TLL2: variants seen among roughly 807,000 people sequenced by gnomAD.
The protein encoded by TLL2 is tolloid-like protein 2.
A neutral mutation model predicts 123.0 loss-of-function variants in TLL2; 106 were observed. The ratio of observed to expected loss-of-function variants is 0.86; its 90% confidence interval spans 0.74 to 1.01. The LOEUF (loss-of-function observed/expected upper bound fraction) is 1.01. Among genes scored for constraint, TLL2 ranks in the 50% least tolerant of loss-of-function variants. TLL2 has a pLI of 0.00. For synonymous variants in TLL2, 494 were observed against 516.8 expected (o/e 0.96, Z 0.60); for missense variants, 1,332 against 1,336.7 (o/e 1.00, Z 0.06).
intron 1 of TLL2, among the ~76,000 whole-genome samples, chr10:96,499,601 T>C (rs1200017346): frequency 2.6e-5 from 4 of 152,318 alleles, no homozygotes; most frequent in Admixed American, 6.5e-5. Context: ...CAAACATCTC[T>C]ATGGGAAAGT....
chr10:96,452,384 G>A (rs899903307), intron 2 of TLL2, among the ~76,000 whole-genome samples: 3 of 152,206 alleles, frequency 2.0e-5, no homozygotes, highest in African/African-American at 7.2e-5. Flanking sequence ...GTCCAACGTG[G>A]CTGGAGCTGG....
chr10:96,375,464 G>C (rs1241325293), intron 18 of TLL2: 1 of 152,142 alleles, frequency 6.6e-6, no homozygotes, highest in African/African-American at 2.4e-5. Flanking sequence ...CCTCCCCCGA[G>C]GTCCTCGGGG....
chr10:96,396,965 G>T (rs868025204), intron 11 of TLL2, among the ~76,000 whole-genome samples: 1 of 152,180 alleles, frequency 6.6e-6, no homozygotes, highest in Non-Finnish European at 1.5e-5. Context: ...GTGGGATGGC[G>T]TCAGAAGGAT....
chr10:96,451,881 G>A (rs1346256212), intron 2 of TLL2, among the ~76,000 whole-genome samples: 2 of 152,168 alleles, frequency 1.3e-5, no homozygotes, highest in African/African-American at 4.8e-5. Flanking sequence ...CAGGACGGCA[G>A]CCTTAGCTCT....
chr10:96,420,134 C>A (rs1229709399), intron 7 of TLL2, among the ~76,000 whole-genome samples: 4 of 152,088 alleles, frequency 2.6e-5, no homozygotes, highest in African/African-American at 9.7e-5. Context: ...AATAAATAAA[C>A]AAGCAAACAG....
chr10:96,419,805 C>T (rs1217497187), intron 7 of TLL2, among the ~76,000 whole-genome samples: 1 of 152,186 alleles, frequency 6.6e-6, no homozygotes, highest in Non-Finnish European at 1.5e-5. Flanking sequence ...AACAGTGTCC[C>T]TTTCACTCCC....
chr10:96,395,043 C>T (rs752230001), intron 13 of TLL2, 144 bp downstream of exon 13: 20 of 846,302 alleles, frequency 2.4e-5, no homozygotes, highest in Non-Finnish European at 3.3e-5. Flanking sequence ...GGGGCTCACA[C>T]CCAGCTCTGA....
At chr10:96,502,978 G>A (rs1185546876) in intron 1 of TLL2, among the ~76,000 whole-genome samples, 1 of 152,156 alleles carries the variant, frequency 6.6e-6, no homozygotes, top group Non-Finnish European at 1.5e-5. Flanking sequence ...TCACAGATAG[G>A]TCTGTAACCA....
At position 96,422,632 on chromosome 10, in the gene TLL2, C is replaced by T; in HGVS notation, c.734G>A (p.Gly245Asp). Residue 245 changes from glycine to aspartate, a missense_variant, in exon 6 of 21, where the codon GGC becomes GAC. Coordinates refer to ENST00000357947, the MANE Select transcript of TLL2 (RefSeq NM_012465.4). ...DKFGIVAHEL[G>D]HVVGFWHEHT... is the part of the protein sequence containing the mutation. ...TTCATGCCAAAACCCAACCACATGG[C>T]CCAGCTCGTGAGCCACAATGCCAAA... The T allele has an allele frequency of 1.2e-6, 2 of 1,614,210 alleles. No homozygotes were observed. Among genetic ancestry groups the T allele is most frequent in the Non-Finnish European group, 1.7e-6 (2 of 1,180,052 alleles).
At chr10:96,451,545 TA>T (rs1846959688) in intron 2 of TLL2, among the ~76,000 whole-genome samples, 1 of 152,216 alleles carries the variant, frequency 6.6e-6, no homozygotes, top group South Asian at 2.1e-4. Flanking sequence ...CTATATTAAT[TA>T]TTCCTTTCAT....
At chr10:96,437,093 G>A (rs112368981) in intron 3 of TLL2, among the ~76,000 whole-genome samples, 179 of 152,144 alleles carry the variant, frequency 1.2e-3, no homozygotes, top group African/African-American at 3.3e-3. Context: ...CATTGAATGG[G>A]TGTTATTCTC....
intron 2 of TLL2, among the ~76,000 whole-genome samples, chr10:96,470,569 G>A (rs902355273): frequency 4.6e-5 from 7 of 152,220 alleles, no homozygotes; most frequent in Non-Finnish European, 1.0e-4. Context: ...CACCTCTCTA[G>A]GGGAGTGATG....
intron 2 of TLL2, among the ~76,000 whole-genome samples, chr10:96,461,194 G>A (rs1847079300): frequency 1.3e-5 from 2 of 152,204 alleles, no homozygotes; most frequent in African/African-American, 2.4e-5. Flanking sequence ...TTTTCATTGT[G>A]TGAGCAGTTT....
At chr10:96,498,325 G>A (rs1442420717) in intron 1 of TLL2, among the ~76,000 whole-genome samples, 1 of 152,204 alleles carries the variant, frequency 6.6e-6, no homozygotes, top group African/African-American at 2.4e-5. Flanking sequence ...CAGGCCTTCA[G>A]GGTTCTCACG....
intron 19 of TLL2, 110 bp downstream of exon 19, chr10:96,373,486 C>T (rs528133749): frequency 3.8e-6 from 4 of 1,055,878 alleles, no homozygotes; most frequent in East Asian, 4.9e-5. Flanking sequence ...CCTTCCTCCC[C>T]TCGCCCTCCC....
At chr10:96,398,668 C>T (rs1231701504) in intron 10 of TLL2, among the ~76,000 whole-genome samples, 1 of 152,084 alleles carries the variant, frequency 6.6e-6, no homozygotes, top group Non-Finnish European at 1.5e-5. Context: ...CAGCCCAGGG[C>T]GAGGTGGGAG....
chr10:96,437,860 T>C lies in TLL2; in HGVS notation c.365-4898A>G, dbSNP rs182410493. Among the ~76,000 whole-genome samples, 6 of 152,356 alleles carry C rather than the reference T, an allele frequency of 3.9e-5. No homozygotes were observed. In the East Asian group the frequency reaches 9.6e-4, roughly 24 times the overall value. ...CAAATAAAGCCATTATGAACATTCATGTACGGATTTTTGTGTAAAGGTAAG... is the reference window on the plus strand; with the variant it reads ...CAAATAAAGCCATTATGAACATTCACGTACGGATTTTTGTGTAAAGGTAAG... On this transcript the variant is annotated intron_variant, in intron 3 of 20. Coordinates refer to ENST00000357947, the MANE Select transcript of TLL2 (RefSeq NM_012465.4).
chr10:96,472,314 C>T (rs1847191885), intron 2 of TLL2, among the ~76,000 whole-genome samples: 1 of 152,184 alleles, frequency 6.6e-6, no homozygotes, highest in Non-Finnish European at 1.5e-5. Flanking sequence ...CCCCCACTGA[C>T]CCATTCTCAT....
intron 7 of TLL2, among the ~76,000 whole-genome samples, chr10:96,413,909 G>A (rs1392738084): frequency 1.3e-5 from 2 of 152,174 alleles, no homozygotes; most frequent in Non-Finnish European, 2.9e-5. Context: ...CTAGGCCTGT[G>A]TGTGCTTGGA....
Sources: allele counts gnomAD v4.1 joint callset (sites outside exome capture counted in the v4.1 genomes callset), GRCh38; gene constraint gnomAD v4.1.1; transcripts MANE v1.5; gene names NCBI Gene and HGNC (gene_info 2026-07-23, HGNC 2026-07-21).